Variants in PALD1 observed in about 807,000 individuals in gnomAD.
PALD1 encodes the protein paladin.
Under a neutral mutation model 96.0 loss-of-function variants are expected in PALD1, and 57 were observed. That is an observed-to-expected ratio of 0.59 (90% CI 0.48 to 0.74). The LOEUF (loss-of-function observed/expected upper bound fraction) is 0.74. Ranked by LOEUF, PALD1 falls within the 30% of genes least tolerant of loss-of-function variation. The pLI is 0.00. For synonymous variants in PALD1, 464 were observed against 473.6 expected (o/e 0.98, Z 0.26); for missense variants, 1,063 against 1,143.7 (o/e 0.93, Z 1.02).
intron 1 of PALD1, among the ~76,000 whole-genome samples, chr10:70,520,124 G>A (rs968336432): frequency 1.6e-4 from 24 of 152,274 alleles, no homozygotes; most frequent in African/African-American, 5.3e-4. Context: ...TCCGGCCGGC[G>A]GGGAGGGCAG....
chr10:70,529,806 C>T, intron 3 of PALD1, 83 bp from the exon 4 acceptor site: 2 of 1,257,990 alleles, frequency 1.6e-6, no homozygotes, highest in Non-Finnish European at 2.2e-6. Flanking sequence ...CCTCCCTGTC[C>T]CCTGGAGCCC....
intron 18 of PALD1, among the ~76,000 whole-genome samples, chr10:70,548,211 A>G (rs1332074896): frequency 1.3e-5 from 2 of 152,116 alleles, no homozygotes; most frequent in Non-Finnish European, 2.9e-5. Flanking sequence ...AGGCTGAGAC[A>G]GGAGAATTGC....
intron 18 of PALD1, among the ~76,000 whole-genome samples, chr10:70,548,325 C>T (rs185669798): frequency 7.3e-4 from 111 of 152,232 alleles, no homozygotes; most frequent in African/African-American, 2.5e-3. Flanking sequence ...TCATAATAGT[C>T]CAGATTTCAT....
At chr10:70,461,020 A>C in the PALD1 span, among the ~76,000 whole-genome samples, 2 of 152,048 alleles carry the variant, frequency 1.3e-5, no homozygotes, top group South Asian at 4.1e-4. Flanking sequence ...GTGTCATTGC[A>C]CTCCAGCCTG....
intron 1 of PALD1, among the ~76,000 whole-genome samples, chr10:70,500,764 G>T (rs1342430219): frequency 6.6e-6 from 1 of 152,196 alleles, no homozygotes; most frequent in African/African-American, 2.4e-5. Context: ...GAAGGAGAAA[G>T]CTTGGACTCT....
chr10:70,478,379 C>T (rs1434498339), upstream of PALD1, among the ~76,000 whole-genome samples: 1 of 152,186 alleles, frequency 6.6e-6, no homozygotes, highest in African/African-American at 2.4e-5. Flanking sequence ...CAGAGGGGGG[C>T]GAGGGAAGCC....
At chr10:70,562,201 C>T (rs960419017) in intron 18 of PALD1, among the ~76,000 whole-genome samples, 1 of 152,214 alleles carries the variant, frequency 6.6e-6, no homozygotes, top group African/African-American at 2.4e-5. Context: ...CAGGGAGTCA[C>T]AGTGCTGGCT....
In PALD1 at chr10:70,507,085, A is replaced by C. The variant is rs112889573; in HGVS notation, c.-29-18838A>C. ...CTTTAAAAAAATTATCTTTCTATTAAAAAAATTATCTTTCTATTAAAAAAA... is the reference window on the plus strand; with the variant it reads ...CTTTAAAAAAATTATCTTTCTATTACAAAAATTATCTTTCTATTAAAAAAA... On this transcript the variant is annotated intron_variant, in intron 1 of 19. Transcript: ENST00000263563. Among the ~76,000 whole-genome samples the C allele has an allele frequency of 3.8e-3, 572 of 152,204 alleles. 4 individuals are homozygous for C. The highest frequency in any genetic ancestry group is 0.013 in the African/African-American group (535 of 41,532).
intron 1 of PALD1, among the ~76,000 whole-genome samples, chr10:70,480,072 G>A (rs1263098541): frequency 6.6e-6 from 1 of 152,242 alleles, no homozygotes; most frequent in African/African-American, 2.4e-5. Context: ...CCAGTTCCAT[G>A]CAAGCAAGCA....
At chr10:70,468,369 G>A in the PALD1 span, among the ~76,000 whole-genome samples, 2 of 151,848 alleles carry the variant, frequency 1.3e-5, no homozygotes, top group African/African-American at 2.4e-5. Flanking sequence ...TCAGCTTCCC[G>A]GGTAGCTGAG....
chr10:70,483,671 C>T (rs1475747563), intron 1 of PALD1, among the ~76,000 whole-genome samples: 1 of 152,244 alleles, frequency 6.6e-6, no homozygotes, highest in African/African-American at 2.4e-5. Context: ...CGGCCTCTGT[C>T]TGGCCTTCCC....
intron 9 of PALD1, 48 bp downstream of exon 9, chr10:70,534,572 G>A (rs375745891): frequency 1.7e-4 from 229 of 1,378,678 alleles, no homozygotes; most frequent in Middle Eastern, 1.4e-3. Flanking sequence ...TGGAGGGGAC[G>A]GTCACTCCTC....
rs972598574 is a variant in PALD1, at chr10:70,529,061, G to C, written c.186-168G>C. Among the ~76,000 whole-genome samples, 12 of 152,186 alleles carry C rather than the reference G, an allele frequency of 7.9e-5. No individual in the cohort carries two copies. The East Asian group carries it at 1.5e-3, about 20-fold the overall frequency. ...CCTCAGTCACAGCCCTGGGGCTGTC[G>C]TGTTGAGGAAGAAGGGAAGAGTGGA... On this transcript the variant is annotated intron_variant, in intron 2 of 19. Transcript: ENST00000263563.
At chr10:70,499,927 A>G (rs1564687106) in intron 1 of PALD1, among the ~76,000 whole-genome samples, 1 of 152,248 alleles carries the variant, frequency 6.6e-6, no homozygotes, top group East Asian at 1.9e-4. Flanking sequence ...GAGAAATGAT[A>G]TGGCAGTGAC....
intron 3 of PALD1, 63 bp downstream of exon 3, chr10:70,529,394 C>G (rs1312515789): frequency 2.6e-6 from 2 of 762,222 alleles, no homozygotes; most frequent in African/African-American, 1.7e-5. Context: ...CTCATGAATT[C>G]CCTCCCTCAC....
chr10:70,511,284 C>T (rs1207113791), intron 1 of PALD1, among the ~76,000 whole-genome samples: 5 of 152,142 alleles, frequency 3.3e-5, no homozygotes, highest in Admixed American at 6.6e-5. Context: ...GTTTTGCAGA[C>T]CAGGTCTGGT....
upstream of PALD1, among the ~76,000 whole-genome samples, chr10:70,478,290 C>G (rs1237522495): frequency 1.3e-5 from 2 of 152,210 alleles, no homozygotes; most frequent in Non-Finnish European, 2.9e-5. Flanking sequence ...CATCCAGCTC[C>G]GGCCGCACTG....
intron 1 of PALD1, among the ~76,000 whole-genome samples, chr10:70,509,225 A>G (rs1433267158): frequency 6.6e-6 from 1 of 152,124 alleles, no homozygotes; most frequent in Non-Finnish European, 1.5e-5. Context: ...CCGTTGGGAA[A>G]GCTGGGGTGG....
chr10:70,505,118 G>A lies in PALD1; in HGVS notation c.-29-20805G>A, dbSNP rs571675742. Among the ~76,000 whole-genome samples the A allele has an allele frequency of 6.6e-5, 10 of 152,272 alleles. No individual in the cohort carries two copies. In the East Asian group the frequency reaches 7.7e-4, roughly 12 times the overall value. On this transcript the variant is annotated intron_variant, in intron 1 of 19. Coordinates refer to ENST00000263563, the MANE Select transcript of PALD1 (RefSeq NM_014431.3). ...TAAAAAAGTCACATCTGTTACTATCGTCACACCTATTATCAGAAAAATCTT... is the reference window on the plus strand; with the variant it reads ...TAAAAAAGTCACATCTGTTACTATCATCACACCTATTATCAGAAAAATCTT...
Sources: gnomAD v4.1 joint callset for allele counts (sites outside exome capture counted in the v4.1 genomes callset) on GRCh38, gnomAD v4.1.1 for gene constraint, MANE v1.5 for transcripts, NCBI Gene and HGNC (gene_info 2026-07-23, HGNC 2026-07-21) for gene names.